The following MYO3B variants were observed in gnomAD, a reference collection of about 807,000 sequenced individuals.
The protein encoded by MYO3B is myosin IIIB.
MYO3B carries 156 observed loss-of-function variants against 174.6 expected under a neutral mutation model. That is an observed-to-expected ratio of 0.89 (90% CI 0.78 to 1.02). MYO3B has a LOEUF of 1.02. Among genes scored for constraint, MYO3B ranks in the 50% least tolerant of loss-of-function variants. The pLI is 0.00. For missense variants in MYO3B, 1,632 were observed against 1,639.4 expected, an observed-to-expected ratio of 1.00 and a Z score of 0.08; for synonymous variants, 563 against 569.1, an observed-to-expected ratio of 0.99 and a Z score of 0.15.
At chr2:170,554,361 T>C (rs1314370284) in intron 32 of MYO3B, among the ~76,000 whole-genome samples, 1 of 152,310 alleles carries the variant, frequency 6.6e-6, no homozygotes, top group African/African-American at 2.4e-5. Context: ...AGGGATGTAC[T>C]CCACAAAGGT....
At chr2:170,560,343 A>C (rs559475175) in intron 32 of MYO3B, among the ~76,000 whole-genome samples, 1 of 152,144 alleles carries the variant, frequency 6.6e-6, no homozygotes, top group African/African-American at 2.4e-5. Context: ...TAATCCACCT[A>C]AATGGTTTCA....
intron 7 of MYO3B, among the ~76,000 whole-genome samples, chr2:170,311,464 G>A (rs1574764377): frequency 6.6e-6 from 1 of 151,322 alleles, no homozygotes; most frequent in Admixed American, 6.6e-5. Context: ...TTAACTGTTT[G>A]TGTTGCTGAG....
intron 32 of MYO3B, among the ~76,000 whole-genome samples, chr2:170,562,065 A>AT (rs1275030740): frequency 6.6e-6 from 1 of 152,152 alleles, no homozygotes; most frequent in Non-Finnish European, 1.5e-5. Context: ...CCATTGCTCA[A>AT]TTTTTCATAT....
In MYO3B at chr2:170,626,347, G is replaced by T. The variant is rs192919440; in HGVS notation, c.3734-25281G>T. Among the ~76,000 whole-genome samples, 784 of 152,254 alleles carry T rather than the reference G, an allele frequency of 5.1e-3. 5 individuals carry two copies. The highest frequency in any genetic ancestry group is 0.02 in the Middle Eastern group (6 of 294). ...CTCTTTTGATCTTTGTTGGTTTAAAGTCTGTTTTATCAGAGACTAGGATTG... is the reference window on the plus strand; with the variant it reads ...CTCTTTTGATCTTTGTTGGTTTAAATTCTGTTTTATCAGAGACTAGGATTG... On this transcript the variant is annotated intron_variant, in intron 32 of 34. Transcript: ENST00000408978.
At chr2:170,368,118 C>A (rs975927426) in intron 8 of MYO3B, among the ~76,000 whole-genome samples, 2 of 152,298 alleles carry the variant, frequency 1.3e-5, no homozygotes, top group East Asian at 3.9e-4. Flanking sequence ...GTTTCAAGAA[C>A]TCTGCTTAAG....
At chr2:170,315,650 A>C (rs1417491174) in intron 7 of MYO3B, among the ~76,000 whole-genome samples, 1 of 152,200 alleles carries the variant, frequency 6.6e-6, no homozygotes, top group Non-Finnish European at 1.5e-5. Flanking sequence ...TTGCCTATTG[A>C]ATGTTTACTT....
intron 15 of MYO3B, among the ~76,000 whole-genome samples, chr2:170,392,114 C>A (rs901028025): frequency 2.7e-4 from 31 of 115,514 alleles, no homozygotes; most frequent in Admixed American, 8.4e-4. Flanking sequence ...CAGAGCAAGA[C>A]CCTGTCTCAA....
At chr2:170,486,169 T>A (rs1438829465) in intron 25 of MYO3B, among the ~76,000 whole-genome samples, 1 of 152,164 alleles carries the variant, frequency 6.6e-6, no homozygotes, top group Non-Finnish European at 1.5e-5. Context: ...AAGCCCCTAA[T>A]AGATTATCTA....
At chr2:170,473,811 G>A (rs564459172) in intron 25 of MYO3B, among the ~76,000 whole-genome samples, 3 of 152,076 alleles carry the variant, frequency 2.0e-5, no homozygotes, top group South Asian at 2.1e-4. Context: ...AGACTCTCTC[G>A]TTTTCCAGCT....
At chr2:170,314,778 G>A (rs958664721) in intron 7 of MYO3B, among the ~76,000 whole-genome samples, 6 of 152,192 alleles carry the variant, frequency 3.9e-5, no homozygotes. Flanking sequence ...TCTAGAATGG[G>A]AAGTGTTGGA....
chr2:170,407,493 A>G (rs2094517485), intron 21 of MYO3B, among the ~76,000 whole-genome samples: 5 of 150,326 alleles, frequency 3.3e-5, no homozygotes, highest in Admixed American at 1.3e-4. Context: ...CAACAAAAGA[A>G]AACCCATAAA....
Position 170,526,609 on chromosome 2 carries a change from TATC to T in MYO3B, c.3575+7072_3575+7074del, listed in dbSNP as rs527511612. ...CTTACCAACATTGCCAGCATGACAT[TATC>T]ATACCCTCAAATAATAACATTCAGA... On this transcript the variant is annotated intron_variant, in intron 30 of 34. Transcript: ENST00000408978. 8.8e-4 allele frequency among the ~76,000 whole-genome samples: 134 copies of T among 152,314 alleles called. 1 individual carries two copies. Among genetic ancestry groups the T allele is most frequent in the African/African-American group, 3.1e-3 (127 of 41,572 alleles).
intron 8 of MYO3B, among the ~76,000 whole-genome samples, chr2:170,336,061 G>A (rs569030818): frequency 6.6e-6 from 1 of 152,212 alleles, no homozygotes; most frequent in African/African-American, 2.4e-5. Flanking sequence ...AATCAACAGT[G>A]AAACCAATAG....
chr2:170,180,488 C>G (rs995220512), intron 1 of MYO3B, among the ~76,000 whole-genome samples: 1 of 152,166 alleles, frequency 6.6e-6, no homozygotes, highest in Non-Finnish European at 1.5e-5. Context: ...TTTTTCTTCT[C>G]AGGATGAGCC....
chr2:170,551,343 AATTTAATTATTT>A (rs1559107937), intron 32 of MYO3B, among the ~76,000 whole-genome samples: 1 of 10,928 alleles, frequency 9.2e-5, no homozygotes, highest in East Asian at 6.1e-4. Flanking sequence ...AATTTAATTT[AATTTAATTATTT>A]ATTTATTTAT....
At chr2:170,262,745 C>A (rs572054429) in intron 7 of MYO3B, among the ~76,000 whole-genome samples, 9 of 152,282 alleles carry the variant, frequency 5.9e-5, no homozygotes, top group African/African-American at 1.9e-4. Flanking sequence ...GTGCTCTTCC[C>A]TGTTCAGGTT....
intron 25 of MYO3B, among the ~76,000 whole-genome samples, chr2:170,482,823 G>C (rs1203874623): frequency 1.3e-5 from 2 of 152,236 alleles, no homozygotes; most frequent in East Asian, 3.8e-4. Context: ...GGCAATATCA[G>C]TCTTTCCAGA....
intron 32 of MYO3B, among the ~76,000 whole-genome samples, chr2:170,614,409 G>T (rs1335578270): frequency 6.6e-6 from 1 of 152,112 alleles, no homozygotes; most frequent in Non-Finnish European, 1.5e-5. Context: ...TTGGAGTAGA[G>T]AGAGGCTGCA....
intron 8 of MYO3B, among the ~76,000 whole-genome samples, chr2:170,365,145 G>C (rs1010348903): frequency 6.6e-6 from 1 of 152,138 alleles, no homozygotes; most frequent in Non-Finnish European, 1.5e-5. Flanking sequence ...TGTTTCGTAC[G>C]TTGTACCTTT....
Sources: gnomAD v4.1 joint callset for allele counts (sites outside exome capture counted in the v4.1 genomes callset) on GRCh38, gnomAD v4.1.1 for gene constraint, MANE v1.5 for transcripts, NCBI Gene and HGNC (gene_info 2026-07-23, HGNC 2026-07-21) for gene names.